The following TP53INP1 variants were observed in gnomAD, a reference collection of about 807,000 sequenced individuals.
TP53INP1 encodes the protein tumor protein p53-inducible nuclear protein 1.
Under a neutral mutation model 21.0 loss-of-function variants are expected in TP53INP1, and 12 were observed. The observed-to-expected ratio is 0.57, with a 90% CI of 0.37 to 0.93. TP53INP1 has a LOEUF of 0.93. TP53INP1 is among the 40% of genes least tolerant of loss of function. The pLI is 0.01. For missense variants in TP53INP1, 274 were observed against 294.7 expected (o/e 0.93, Z 0.51); for synonymous variants, 91 against 94.8 (o/e 0.96, Z 0.23).
chr8:94,931,087 T>C (rs1284805288), intron 3 of TP53INP1, among the ~76,000 whole-genome samples: 1 of 152,238 alleles, frequency 6.6e-6, no homozygotes, highest in Non-Finnish European at 1.5e-5. Flanking sequence ...CCAATTCTTT[T>C]GCAAATATAT....
At chr8:94,933,834 T>TG (rs572867137) in intron 3 of TP53INP1, among the ~76,000 whole-genome samples, 30,057 of 58,488 alleles carry the variant, frequency 0.51, 9,407 homozygotes, top group East Asian at 0.73. Flanking sequence ...CAGCACTTTG[T>TG]GGGGGGGGGG....
At chr8:94,934,717 A>T (rs1008046978) in intron 3 of TP53INP1, among the ~76,000 whole-genome samples, 18 of 152,136 alleles carry the variant, frequency 1.2e-4, no homozygotes, top group Non-Finnish European at 2.5e-4. Flanking sequence ...TCAGAGGTAA[A>T]ATCATAATCA....
rs1214233902 is a variant in TP53INP1, at chr8:94,933,841, G to GC, written c.474-3114_474-3113insG. ...TGTAATCCCAGCACTTTGTGGGGGG[G>GC]GGGGGAGGATCACGAGGTCAGGAGT... On this transcript the variant is annotated intron_variant, in intron 3 of 3. Transcript: ENST00000342697. Among the ~76,000 whole-genome samples, 2 of 148,436 alleles carry GC rather than the reference G, an allele frequency of 1.3e-5. 1 individual carries two copies. Among genetic ancestry groups the GC allele is most frequent in the Non-Finnish European group, 3.0e-5 (2 of 66,660 alleles).
At chr8:94,940,307 G>A (rs542404420) in intron 2 of TP53INP1, 87 bp from the exon 3 acceptor site, 3 of 1,446,448 alleles carry the variant, frequency 2.1e-6, no homozygotes, top group African/African-American at 1.4e-5. Flanking sequence ...TCATTATAAA[G>A]TCACCCATCA....
intron 1 of TP53INP1, among the ~76,000 whole-genome samples, chr8:94,946,029 A>T (rs1014786709): frequency 1.3e-5 from 2 of 152,182 alleles, no homozygotes; most frequent in Non-Finnish European, 2.9e-5. Flanking sequence ...CATTATAAAA[A>T]GTCTAGAAAA....
chr8:94,944,403 C>T (rs1199363094), intron 1 of TP53INP1, among the ~76,000 whole-genome samples: 1 of 152,144 alleles, frequency 6.6e-6, no homozygotes, highest in Non-Finnish European at 1.5e-5. Context: ...CCTCTGGCCA[C>T]AGGTCCAAAC....
At chr8:94,941,935 T>A (rs2904888) in intron 1 of TP53INP1, among the ~76,000 whole-genome samples, 93,720 of 151,826 alleles carry the variant, frequency 0.62, 30,067 homozygotes, top group East Asian at 0.79. Flanking sequence ...TAGGTTTTTT[T>A]CCCCCACAAA....
Position 94,926,439 on chromosome 8 carries a change from G to C in TP53INP1, c.*4040C>G, listed in dbSNP as rs1459265674. 7.6e-6 allele frequency: 1 copy of C among 131,654 alleles called. No homozygotes were observed. Among genetic ancestry groups the C allele is most frequent in the Non-Finnish European group, 1.6e-5 (1 of 63,716 alleles). 8.2% of individuals were successfully genotyped at this position (131,654 alleles called of 1,614,324 possible). On this transcript the variant is annotated 3_prime_UTR_variant, in exon 4 of 4. Coordinates refer to ENST00000342697, the MANE Select transcript of TP53INP1 (RefSeq NM_033285.4). ...CCACTTAAAAAAAAAAAAAACACAC[G>C]CAATTATTAAAGTTCAAAATCTCTG...
In TP53INP1 at chr8:94,940,911, C is replaced by T. The variant is rs777146558; in HGVS notation, c.31G>A (p.Gly11Ser). The T allele has an allele frequency of 6.2e-7, 1 of 1,613,600 alleles. No homozygotes were observed. The highest frequency in any genetic ancestry group is 8.5e-7 in the Non-Finnish European group (1 of 1,179,830). Residue 11 changes from glycine (G) to serine (S), a missense_variant, in exon 2 of 4, where the codon GGT becomes AGT. Transcript: ENST00000342697. ...TGGTTGGAGGAAGAACTGACTTCAC[C>T]CACAAACATTTTATTCAGCCTCTGG... MFQRLNKMFV[G>S]EVSSSSNQEP...
rs1423249742 is a variant in TP53INP1, at chr8:94,939,938, T to C, written c.395A>G (p.Tyr132Cys). ...LLIEHPSMSVYAVHNSCPGLS... is the reference protein window; with the variant it reads ...LLIEHPSMSVCAVHNSCPGLS... ...ACCAGGGCAGGAGTTATGCACAGCA[T>C]AGACAGACATGCTGGGATGTTCAAT... The change falls in exon 3 of 4, where the codon TAT (tyrosine) becomes TGT (cysteine). Residue 132 changes from tyrosine (Y) to cysteine (C), a missense_variant. Transcript: ENST00000342697. 6.2e-6 allele frequency: 10 copies of C among 1,614,174 alleles called. No homozygotes were observed. The highest frequency in any genetic ancestry group is 4.5e-5 in the East Asian group (2 of 44,878).
rs1445929664 is a variant in TP53INP1, at chr8:94,926,765, T to C, written c.*3714A>G. On this transcript the variant is annotated 3_prime_UTR_variant, in exon 4 of 4. Transcript: ENST00000342697. ...TCATCTGCATGTTTTCCAGTACCTC[T>C]TTCTCCACCCTAAACAGTTGAAATT... 6.6e-6 allele frequency: 1 copy of C among 152,260 alleles called. No homozygotes were observed. The highest frequency in any genetic ancestry group is 2.4e-5 in the African/African-American group (1 of 41,468). The allele number at this position is 152,260 out of a possible 1,614,324, so 9.4% of individuals were successfully genotyped here. A position where few individuals can be genotyped will look rare whatever the true frequency, so the allele number is the denominator to read the frequency against.
At chr8:94,933,940 G>A (rs1586705779) in intron 3 of TP53INP1, among the ~76,000 whole-genome samples, 1 of 151,406 alleles carries the variant, frequency 6.6e-6, no homozygotes, top group South Asian at 2.1e-4. Context: ...GCGTAGTGGC[G>A]GTGGCACATG....
intron 1 of TP53INP1, among the ~76,000 whole-genome samples, chr8:94,944,471 G>C (rs573752459): frequency 1.3e-5 from 2 of 152,216 alleles, no homozygotes; most frequent in Non-Finnish European, 2.9e-5. Context: ...TACAGGAAAG[G>C]CTTCTCTGGA....
In TP53INP1 at chr8:94,930,357, G is replaced by T; in HGVS notation, c.*122C>A. ...TTTCAAGATAGTGTCTAAATACACTGATAAAACTATGTGATTGGTTATCAA... is the reference window on the plus strand; with the variant it reads ...TTTCAAGATAGTGTCTAAATACACTTATAAAACTATGTGATTGGTTATCAA... On this transcript the variant is annotated 3_prime_UTR_variant, in exon 4 of 4. Transcript: ENST00000342697. 1 of 1,383,216 alleles carries T rather than the reference G, an allele frequency of 7.2e-7. No homozygotes were observed. The highest frequency in any genetic ancestry group is 9.9e-7 in the Non-Finnish European group (1 of 1,005,774). The allele number at this position is 1,383,216 out of a possible 1,614,324, so 85.7% of individuals were successfully genotyped here. A position where few individuals can be genotyped will look rare whatever the true frequency, so the allele number is the denominator to read the frequency against.
At position 94,934,639 on chromosome 8, in the gene TP53INP1, C is replaced by G. The variant is rs375923573; in HGVS notation, c.474-3911G>C. Reference sequence around the variant, plus strand: ...TCGTGATCCACCCACCCCAGCCTCCCAAAGTGCTTGGATTACAGGTGTAAG... The same window carrying G: ...TCGTGATCCACCCACCCCAGCCTCCGAAAGTGCTTGGATTACAGGTGTAAG... On this transcript the variant is annotated intron_variant, in intron 3 of 3. Coordinates refer to ENST00000342697, the MANE Select transcript of TP53INP1 (RefSeq NM_033285.4). 1.1e-4 allele frequency among the ~76,000 whole-genome samples: 16 copies of G among 152,244 alleles called. No individual in the cohort carries two copies. In the South Asian group the frequency reaches 2.5e-3, roughly 24 times the overall value.
chr8:94,938,318 T>C (rs137879089), intron 3 of TP53INP1, among the ~76,000 whole-genome samples: 112 of 152,322 alleles, frequency 7.4e-4, no homozygotes, highest in Middle Eastern at 3.4e-3. Flanking sequence ...TTGAGTTCCA[T>C]ATCCTTTTGT....
chr8:94,932,769 C>G (rs1279011176), intron 3 of TP53INP1, among the ~76,000 whole-genome samples: 1 of 152,004 alleles, frequency 6.6e-6, no homozygotes. Flanking sequence ...CGCCACTGCA[C>G]TCCAGCCTGG....
intron 1 of TP53INP1, among the ~76,000 whole-genome samples, 154 bp downstream of exon 1, chr8:94,949,000 A>T (rs1334692928): frequency 1.3e-4 from 20 of 148,874 alleles, no homozygotes; most frequent in Admixed American, 1.3e-3. Context: ...CGGCGAGGGG[A>T]GGCAGCGAGG....
chr8:94,940,781 T>C (rs775930558), intron 2 of TP53INP1, 49 bp downstream of exon 2: 1 of 1,412,800 alleles, frequency 7.1e-7, no homozygotes, highest in East Asian at 2.3e-5. Context: ...GATGCAAGTT[T>C]CCATTTTTAC....
Sources: gnomAD v4.1 joint callset for allele counts (sites outside exome capture counted in the v4.1 genomes callset) on GRCh38, gnomAD v4.1.1 for gene constraint, MANE v1.5 for transcripts, NCBI Gene and HGNC (gene_info 2026-07-23, HGNC 2026-07-21) for gene names.